The following WDR37 variants were observed in gnomAD, a reference collection of about 807,000 sequenced individuals.
WDR37 encodes WD repeat-containing protein 37.
Under a neutral mutation model 62.9 loss-of-function variants are expected in WDR37, and 19 were observed. The observed-to-expected ratio is 0.30, with a 90% CI of 0.21 to 0.44. The LOEUF (loss-of-function observed/expected upper bound fraction) is 0.44, where lower values mean the gene tolerates loss of function less well. WDR37 is among the 20% of genes least tolerant of loss of function. The probability of loss-of-function intolerance (pLI) is 1.00; values close to 1 mark genes in which losing one functional copy is unlikely to be tolerated. For missense variants in WDR37, 474 were observed against 657.6 expected (o/e 0.72, Z 3.05); for synonymous variants, 250 against 260.9 (o/e 0.96, Z 0.40).
intron 13 of WDR37, among the ~76,000 whole-genome samples, chr10:1,126,372 C>CTCCA (rs1319535983): frequency 8.0e-5 from 12 of 149,592 alleles, no homozygotes; most frequent in Admixed American, 2.0e-4. Flanking sequence ...CGCCACTGCA[C>CTCCA]TCCAGCCTGG....
At chr10:1,064,267 A>G (rs1308542978) in intron 1 of WDR37, among the ~76,000 whole-genome samples, 1 of 152,232 alleles carries the variant, frequency 6.6e-6, no homozygotes, top group African/African-American at 2.4e-5. Flanking sequence ...GCAGAGAGAA[A>G]ATAGACTGGA....
Position 1,100,187 on chromosome 10 carries a change from CAT to C in WDR37, c.727-3412_727-3411del, listed in dbSNP as rs572039070. On this transcript the variant is annotated intron_variant, in intron 9 of 13. Coordinates refer to ENST00000263150, the MANE Select transcript of WDR37 (RefSeq NM_014023.4). Reference sequence around the variant, plus strand: ...GCTTGTGTTGGGTGAGTGCACTTCTCATATTGATAGCTGCCACCTCAAGATTT... The same window carrying C: ...GCTTGTGTTGGGTGAGTGCACTTCTCATTGATAGCTGCCACCTCAAGATTT... Among the ~76,000 whole-genome samples the C allele has an allele frequency of 3.1e-3, 471 of 152,318 alleles. 1 individual carries two copies. The highest frequency in any genetic ancestry group is 5.4e-3 in the East Asian group (28 of 5,180).
chr10:1,059,210 T>C (rs1833295652), intron 1 of WDR37, among the ~76,000 whole-genome samples: 1 of 151,938 alleles, frequency 6.6e-6, no homozygotes, highest in African/African-American at 2.4e-5. Context: ...GTCCCGTCTC[T>C]ACTAAAAATA....
intron 9 of WDR37, among the ~76,000 whole-genome samples, chr10:1,098,355 T>G: frequency 7.4e-6 from 1 of 135,410 alleles, no homozygotes. Flanking sequence ...TGAGATGGAG[T>G]CTCGCTCTGT....
chr10:1,108,043 T>C (rs1243017283), intron 11 of WDR37, among the ~76,000 whole-genome samples: 1 of 152,278 alleles, frequency 6.6e-6, no homozygotes, highest in Non-Finnish European at 1.5e-5. Flanking sequence ...CACACTTGTA[T>C]ATTTTCTTTG....
chr10:1,129,230 A>G lies in WDR37; in HGVS notation c.1371A>G (p.Val457=), dbSNP rs2131703392. Residue 457 remains valine, a synonymous_variant, in exon 14 of 14, where the codon GTA becomes GTG. Transcript: ENST00000263150. ...ATCACTAGGGCCACAGGAGAATGGT[A>G]TGCTGCTCGGCATGGAGTGAAGACC... ...RSSRQGHRRM[V]CCSAWSEDHP... is the part of the protein sequence containing the mutation. The G allele has an allele frequency of 6.2e-7, 1 of 1,614,024 alleles. No individual in the cohort carries two copies. The highest frequency in any genetic ancestry group is 1.1e-5 in the South Asian group (1 of 91,076).
chr10:1,131,683 GGTGTGTGTGTGTGTGT>G lies in WDR37; in HGVS notation c.*2353_*2368del, dbSNP rs58548853. The stretch of plus-strand genomic sequence containing the variant: ...AGGAGTCACAGACAAGATCGGGGAT[GGTGTGTGTGTGTGTGT>G]GTGTGTGTGTGTGCACGTGTGTGTG... On this transcript the variant is annotated 3_prime_UTR_variant, in exon 14 of 14. Transcript: ENST00000263150. 7.5e-6 allele frequency: 1 copy of G among 133,748 alleles called. No homozygotes were observed. The highest frequency in any genetic ancestry group is 2.5e-5 in the African/African-American group (1 of 39,900). 8.3% of individuals were successfully genotyped at this position (133,748 alleles called of 1,614,324 possible).
intron 7 of WDR37, among the ~76,000 whole-genome samples, chr10:1,087,749 A>G (rs971203922): frequency 2.0e-5 from 3 of 152,192 alleles, no homozygotes; most frequent in African/African-American, 7.2e-5. Context: ...GATTTTTGAA[A>G]TGGCAAGTGA....
rs74117695 is a variant in WDR37 at position 1,068,894 on chromosome 10, G to C, written c.-40-3222G>C. On this transcript the variant is annotated intron_variant, in intron 1 of 13. Coordinates refer to ENST00000263150, the MANE Select transcript of WDR37 (RefSeq NM_014023.4). Reference sequence around the variant, plus strand: ...ATTACCACTATGCTACAACATAGATGGACTTTGAAATCGTTGTGCTAAGTG... The same window carrying C: ...ATTACCACTATGCTACAACATAGATCGACTTTGAAATCGTTGTGCTAAGTG... Among the ~76,000 whole-genome samples, 877 of 152,328 alleles carry C rather than the reference G, an allele frequency of 5.8e-3. 11 individuals are homozygous for C. The highest frequency in any genetic ancestry group is 0.02 in the African/African-American group (830 of 41,572).
chr10:1,100,660 A>G (rs981011446), intron 9 of WDR37, among the ~76,000 whole-genome samples: 3 of 152,200 alleles, frequency 2.0e-5, no homozygotes, highest in Admixed American at 6.5e-5. Context: ...ACTTAGACCA[A>G]CAGAATGACT....
intron 4 of WDR37, 92 bp downstream of exon 4, chr10:1,080,198 C>A: frequency 6.9e-7 from 1 of 1,454,720 alleles, no homozygotes; most frequent in Non-Finnish European, 9.6e-7. Context: ...TTGCGTTTTG[C>A]TGTCAGCAGA....
At chr10:1,082,760 CACAGCTCCAGCAG>C (rs1834069302) in intron 5 of WDR37, among the ~76,000 whole-genome samples, 2 of 125,764 alleles carry the variant, frequency 1.6e-5, no homozygotes, top group African/African-American at 8.7e-5. Flanking sequence ...TGATCCCCTG[CACAGCTCCAGCAG>C]CACAGCTCCA....
At chr10:1,082,902 TTATTAA>T (rs1834075943) in intron 5 of WDR37, among the ~76,000 whole-genome samples, 1 of 152,166 alleles carries the variant, frequency 6.6e-6, no homozygotes, top group Non-Finnish European at 1.5e-5. Flanking sequence ...TATAATACTG[TTATTAA>T]TGTTAGAAGT....
rs1428360480 is a variant in WDR37, at chr10:1,093,431, TATC to T, written c.605-18_605-16del. The T allele has an allele frequency of 1.9e-6, 3 of 1,598,140 alleles. No individual in the cohort carries two copies. In the Admixed American group the frequency reaches 5.1e-5, roughly 27 times the overall value. On this transcript the variant is annotated intron_variant, in intron 7 of 13. Coordinates refer to ENST00000263150, the MANE Select transcript of WDR37 (RefSeq NM_014023.4). ...GTTTTTGTCACTTTAAACCTGTTTT[TATC>T]ATATTTTTATTTTGCAGTAAATTCT...
At chr10:1,081,568 A>G (rs903078445) in intron 5 of WDR37, among the ~76,000 whole-genome samples, 1 of 152,184 alleles carries the variant, frequency 6.6e-6, no homozygotes, top group African/African-American at 2.4e-5. Context: ...TTGTTATTCA[A>G]AAGAAAATCT....
In WDR37 at chr10:1,080,033, T is replaced by C; in HGVS notation, c.258T>C (p.Leu86=). The C allele has an allele frequency of 9.3e-6, 15 of 1,614,158 alleles. No individual in the cohort carries two copies. The highest frequency in any genetic ancestry group is 1.3e-5 in the Non-Finnish European group (15 of 1,180,008). The change falls in exon 4 of 14, where the codon CTT becomes CTC. Residue 86 remains leucine (L), a synonymous_variant. Coordinates refer to ENST00000263150, the MANE Select transcript of WDR37 (RefSeq NM_014023.4). ...NLELRREIDT[L]NERLAAEGQA... ...CAGTACGTAGAGAAATCGACACTCT[T>C]AATGAACGTTTAGCTGCTGAAGGAC...
At chr10:1,116,099 A>G (rs1167665100) in intron 11 of WDR37, among the ~76,000 whole-genome samples, 3 of 152,164 alleles carry the variant, frequency 2.0e-5, no homozygotes, top group Non-Finnish European at 4.4e-5. Flanking sequence ...CATACCCCTC[A>G]TTGGAGTGAT....
intron 13 of WDR37, among the ~76,000 whole-genome samples, chr10:1,126,336 G>A (rs1016708221): frequency 1.5e-4 from 22 of 151,162 alleles, no homozygotes; most frequent in African/African-American, 4.1e-4. Flanking sequence ...AACCCAGGAG[G>A]CGGAGCTTGC....
chr10:1,126,015 C>T (rs1182839934), intron 13 of WDR37, among the ~76,000 whole-genome samples: 2 of 152,192 alleles, frequency 1.3e-5, no homozygotes, highest in Non-Finnish European at 2.9e-5. Context: ...GGCGGCTCTG[C>T]TGTGCTCTGC....
Sources: allele counts gnomAD v4.1 joint callset (sites outside exome capture counted in the v4.1 genomes callset), GRCh38; gene constraint gnomAD v4.1.1; transcripts MANE v1.5; gene names NCBI Gene and HGNC (gene_info 2026-07-23, HGNC 2026-07-21).